TTC34: variants seen among roughly 807,000 people sequenced by gnomAD.
TTC34 encodes tetratricopeptide repeat protein 34.
TTC34 carries 44 observed loss-of-function variants against 40.7 expected under a neutral mutation model. The ratio of observed to expected loss-of-function variants is 1.08; its 90% CI spans 0.85 to 1.39. The LOEUF is 1.39. Ranked by LOEUF, TTC34 falls within the 40% of genes most tolerant of loss-of-function variation. TTC34 has a pLI of 0.00. For missense variants in TTC34, 884 were observed against 838.0 expected, an observed-to-expected ratio of 1.05 and a Z score of -0.68; for synonymous variants, 422 against 398.6, an observed-to-expected ratio of 1.06 and a Z score of -0.70.
chr1:2,685,120 C>A (rs1640267790), intron 6 of TTC34, among the ~76,000 whole-genome samples: 5 of 147,122 alleles, frequency 3.4e-5, no homozygotes, highest in South Asian at 2.1e-4. Context: ...CACCCACACC[C>A]CCAGGCGAGC....
At chr1:2,660,817 G>T (rs1451318936) in intron 6 of TTC34, among the ~76,000 whole-genome samples, 4 of 78,994 alleles carry the variant, frequency 5.1e-5, no homozygotes, top group East Asian at 4.3e-4. Flanking sequence ...TGACAGCCTG[G>T]AACAGCACCC....
At chr1:2,749,923 AACC>A (rs1641261460) in intron 6 of TTC34, among the ~76,000 whole-genome samples, 5 of 97,568 alleles carry the variant, frequency 5.1e-5, no homozygotes, top group African/African-American at 9.9e-5. Flanking sequence ...CGGCACCCAC[AACC>A]CCAGGCGAGC....
At chr1:2,642,618 G>T (rs1638930591) in intron 8 of TTC34, among the ~76,000 whole-genome samples, 1 of 152,240 alleles carries the variant, frequency 6.6e-6, no homozygotes, top group African/African-American at 2.4e-5. Context: ...CGCCTCGCTG[G>T]GCTCCTCCTC....
chr1:2,684,528 C>A (rs1451010879), intron 6 of TTC34, among the ~76,000 whole-genome samples: 1 of 146,694 alleles, frequency 6.8e-6, no homozygotes, highest in East Asian at 2.0e-4. Flanking sequence ...CCCAGGTGAG[C>A]ATCCGACATC....
chr1:2,684,616 C>A (rs1382545623), intron 6 of TTC34, among the ~76,000 whole-genome samples: 1 of 58,288 alleles, frequency 1.7e-5, no homozygotes, highest in Non-Finnish European at 3.0e-5. Context: ...AGCATCTGAC[C>A]GCATGGAATG....
chr1:2,677,756 G>C (rs1443679399), intron 6 of TTC34, among the ~76,000 whole-genome samples: 2 of 151,420 alleles, frequency 1.3e-5, no homozygotes, highest in Non-Finnish European at 1.5e-5. Flanking sequence ...CTGACAGCCT[G>C]GAACAGCACC....
At chr1:2,687,962 C>T (rs1640441762) in intron 6 of TTC34, among the ~76,000 whole-genome samples, 16 of 151,502 alleles carry the variant, frequency 1.1e-4, no homozygotes, top group African/African-American at 3.7e-4. Flanking sequence ...GAACAGCACG[C>T]GCACCCCCAG....
At position 2,643,809 on chromosome 1, in the gene TTC34, G is replaced by GCC. The variant is rs1186474053; in HGVS notation, c.2712+454_2712+455insGG. Among the ~76,000 whole-genome samples, 23 of 152,366 alleles carry GCC rather than the reference G, an allele frequency of 1.5e-4. No individual in the cohort carries two copies. The Middle Eastern group carries it at 0.01, about 68-fold the overall frequency. The stretch of plus-strand genomic sequence containing the variant: ...CCCGCTGGTGTCAGGAAGCATTAAG[G>GCC]AGGTGAAATCCTGCCCAGGCCCCAC... On this transcript the variant is annotated intron_variant, in intron 8 of 8. Coordinates refer to ENST00000401095, the Ensembl canonical transcript of TTC34.
At chr1:2,794,612 T>C (rs1643695764) in intron 2 of TTC34, among the ~76,000 whole-genome samples, 1 of 152,222 alleles carries the variant, frequency 6.6e-6, no homozygotes, top group African/African-American at 2.4e-5. Context: ...CTTACCTTAT[T>C]GCATTGGCTA....
chr1:2,786,139 G>A (rs901665595), intron 4 of TTC34, 116 bp from the exon 5 acceptor site: 4 of 973,498 alleles, frequency 4.1e-6, no homozygotes, highest in East Asian at 3.3e-5. Context: ...GGGTCCACCT[G>A]GTGCCAACGC....
chr1:2,793,016 T>G (rs975297862), intron 2 of TTC34, among the ~76,000 whole-genome samples: 4 of 152,258 alleles, frequency 2.6e-5, no homozygotes, highest in Non-Finnish European at 5.9e-5. Flanking sequence ...ATAATCGTTA[T>G]CTGTGGGACA....
chr1:2,795,467 C>T (rs372035410), intron 2 of TTC34, among the ~76,000 whole-genome samples: 1 of 152,194 alleles, frequency 6.6e-6, no homozygotes, highest in African/African-American at 2.4e-5. Context: ...TGTTCTCTCA[C>T]TGGTCATGAT....
chr1:2,637,678 C>T (rs971809161), exon 9 of TTC34: 2 of 152,184 alleles, frequency 1.3e-5, no homozygotes, highest in Admixed American at 6.5e-5. Flanking sequence ...GTGGGGGGTC[C>T]CCTGAGTGTC....
intron 2 of TTC34, among the ~76,000 whole-genome samples, chr1:2,793,823 T>C (rs1046928568): frequency 5.3e-5 from 8 of 152,200 alleles, no homozygotes; most frequent in African/African-American, 1.9e-4. Context: ...TATTGATTAG[T>C]ATAGCTTCAT....
At chr1:2,786,066 T>G in intron 4 of TTC34, 43 bp from the exon 5 acceptor site, 2 of 1,414,578 alleles carry the variant, frequency 1.4e-6, no homozygotes, top group Non-Finnish European at 1.9e-6. Flanking sequence ...TTGGGACCGA[T>G]GCCCTGGAGC....
intron 6 of TTC34, among the ~76,000 whole-genome samples, chr1:2,656,322 A>G (rs1639342595): frequency 1.3e-5 from 2 of 151,004 alleles, no homozygotes; most frequent in Non-Finnish European, 2.9e-5. Context: ...GACAGCATGC[A>G]ACAGCACTCA....
At chr1:2,786,764 C>A (rs1189257263) in intron 4 of TTC34, among the ~76,000 whole-genome samples, 1 of 152,212 alleles carries the variant, frequency 6.6e-6, no homozygotes, top group Non-Finnish European at 1.5e-5. Context: ...CCCACAACGT[C>A]CCCTCTCCGC....
chr1:2,652,405 C>G (rs1467014865), intron 6 of TTC34, among the ~76,000 whole-genome samples: 8 of 142,600 alleles, frequency 5.6e-5, no homozygotes, highest in African/African-American at 2.4e-4. Flanking sequence ...AGCACGCACA[C>G]CCCCAGTGAG....
At chr1:2,749,603 C>G (rs1210180228) in intron 6 of TTC34, among the ~76,000 whole-genome samples, 1 of 57,926 alleles carries the variant, frequency 1.7e-5, no homozygotes, top group Admixed American at 1.7e-4. Context: ...AGCACCCACA[C>G]CCCCAGGTGT....
Sources: allele counts gnomAD v4.1 joint callset (sites outside exome capture counted in the v4.1 genomes callset), GRCh38; gene constraint gnomAD v4.1.1; transcripts MANE v1.5; gene names NCBI Gene and HGNC (gene_info 2026-07-23, HGNC 2026-07-21).